Variants in GRIA4 observed in about 807,000 individuals in gnomAD.
GRIA4 encodes the protein glutamate receptor 4.
GRIA4 carries 34 observed loss-of-function variants against 104.0 expected under a neutral mutation model. That is an observed-to-expected ratio of 0.33 (90% CI 0.25 to 0.44). The LOEUF is 0.44. GRIA4 is among the 20% of genes least tolerant of loss of function. GRIA4 has a pLI of 1.00. For synonymous variants in GRIA4, 386 were observed against 381.9 expected, an observed-to-expected ratio of 1.01 and a Z score of -0.13; for missense variants, 750 against 1,096.5, an observed-to-expected ratio of 0.68 and a Z score of 4.46.
At chr11:105,673,684 C>T (rs1462092973) in intron 3 of GRIA4, among the ~76,000 whole-genome samples, 1 of 151,938 alleles carries the variant, frequency 6.6e-6, no homozygotes, top group Non-Finnish European at 1.5e-5. Context: ...CATTTTTTCC[C>T]ACATTCATCT....
chr11:105,690,279 A>G (rs1361360646), intron 3 of GRIA4, among the ~76,000 whole-genome samples: 3 of 152,212 alleles, frequency 2.0e-5, no homozygotes, highest in Admixed American at 6.5e-5. Flanking sequence ...CCTTTCCCTT[A>G]TGTTTAATAA....
chr11:105,888,156 G>C (rs892715063), intron 6 of GRIA4, among the ~76,000 whole-genome samples: 1 of 151,942 alleles, frequency 6.6e-6, no homozygotes, highest in Non-Finnish European at 1.5e-5. Flanking sequence ...GTAGTGTAGG[G>C]GGTAGATTAT....
intron 3 of GRIA4, among the ~76,000 whole-genome samples, chr11:105,737,610 G>T (rs1467394453): frequency 6.6e-6 from 1 of 152,140 alleles, no homozygotes; most frequent in African/African-American, 2.4e-5. Flanking sequence ...TTCTTAAGAA[G>T]AAACCAATTT....
chr11:105,691,195 G>T (rs1953071318), intron 3 of GRIA4, among the ~76,000 whole-genome samples: 1 of 152,120 alleles, frequency 6.6e-6, no homozygotes, highest in Non-Finnish European at 1.5e-5. Context: ...TGAAGCAAGT[G>T]CAGAAAGCCA....
chr11:105,826,158 G>T (rs2135918095), intron 4 of GRIA4, among the ~76,000 whole-genome samples: 1 of 152,152 alleles, frequency 6.6e-6, no homozygotes, highest in South Asian at 2.1e-4. Context: ...TTTCCTTAAA[G>T]CAGCTGAAAT....
chr11:105,757,448 A>G (rs536663715), intron 4 of GRIA4, among the ~76,000 whole-genome samples: 5 of 152,184 alleles, frequency 3.3e-5, no homozygotes, highest in Admixed American at 2.6e-4. Context: ...AAACAAGGGT[A>G]GTCAAAGGAA....
At chr11:105,717,009 AGTGTTACAT>A (rs1954114606) in intron 3 of GRIA4, among the ~76,000 whole-genome samples, 1 of 152,170 alleles carries the variant, frequency 6.6e-6, no homozygotes, top group South Asian at 2.1e-4. Context: ...CTTATTATTC[AGTGTTACAT>A]GGAGGTTTAT....
chr11:105,813,729 G>C (rs1943265722), intron 4 of GRIA4, among the ~76,000 whole-genome samples: 1 of 152,156 alleles, frequency 6.6e-6, no homozygotes, highest in African/African-American at 2.4e-5. Flanking sequence ...GATTCCAGTA[G>C]TGTTCTTCTC....
intron 14 of GRIA4, among the ~76,000 whole-genome samples, chr11:105,954,445 T>C (rs1234686214): frequency 6.6e-6 from 1 of 152,136 alleles, no homozygotes; most frequent in Non-Finnish European, 1.5e-5. Context: ...TTTGGGTGTG[T>C]GGGGGCATAA....
intron 16 of GRIA4, 37 bp from the exon 17 acceptor site, chr11:105,979,538 C>T: frequency 6.3e-7 from 1 of 1,591,552 alleles, no homozygotes; most frequent in Non-Finnish European, 8.6e-7. Context: ...TATGGTAACA[C>T]TCCGCGTTCT....
chr11:105,872,519 A>T (rs1387791564), intron 5 of GRIA4, among the ~76,000 whole-genome samples: 1 of 152,114 alleles, frequency 6.6e-6, no homozygotes, highest in Non-Finnish European at 1.5e-5. Flanking sequence ...ACAGTTGAAC[A>T]ATTTCATCTT....
At chr11:105,713,077 T>TA (rs1953968896) in intron 3 of GRIA4, among the ~76,000 whole-genome samples, 1 of 151,998 alleles carries the variant, frequency 6.6e-6, no homozygotes, top group Non-Finnish European at 1.5e-5. Context: ...CAGTATAATA[T>TA]AAAAAATAAT....
chr11:105,783,806 C>CTTATCAG (rs1941839888), intron 4 of GRIA4, among the ~76,000 whole-genome samples: 1 of 146,028 alleles, frequency 6.8e-6, no homozygotes, highest in Non-Finnish European at 1.5e-5. Context: ...GAGTAAAAAT[C>CTTATCAG]TTATCAGTTT....
intron 10 of GRIA4, among the ~76,000 whole-genome samples, chr11:105,917,815 G>GGTGTGTGT (rs147308478): frequency 0.024 from 3,456 of 142,722 alleles, 56 homozygotes; most frequent in East Asian, 0.038. Flanking sequence ...TTGGTTTAAG[G>GGTGTGTGT]GTGTGTGTGT....
intron 4 of GRIA4, among the ~76,000 whole-genome samples, chr11:105,794,469 G>GTATA (rs1200611859): frequency 0.054 from 2,163 of 40,290 alleles, 283 homozygotes; most frequent in Non-Finnish European, 0.066. Flanking sequence ...GTGTGTATAT[G>GTATA]TATGTATATA....
chr11:105,847,116 C>T (rs961941596), intron 4 of GRIA4, among the ~76,000 whole-genome samples: 18 of 152,014 alleles, frequency 1.2e-4, no homozygotes, highest in Non-Finnish European at 1.6e-4. Flanking sequence ...CACCGGGGAC[C>T]GGTTTCCTGG....
chr11:105,739,210 T>A (rs970104914), intron 3 of GRIA4, among the ~76,000 whole-genome samples: 3 of 152,176 alleles, frequency 2.0e-5, no homozygotes, highest in Admixed American at 6.5e-5. Flanking sequence ...TTTGTAGGCC[T>A]TGGAAGCAAA....
intron 4 of GRIA4, chr11:105,798,007 AG>A (rs1207389396): frequency 5.8e-6 from 2 of 343,560 alleles, no homozygotes; most frequent in Non-Finnish European, 1.2e-5. Context: ...ACTATGTGCC[AG>A]GAACTATCCT....
At chr11:105,935,760 G>A (rs1948016088) in intron 14 of GRIA4, among the ~76,000 whole-genome samples, 1 of 152,104 alleles carries the variant, frequency 6.6e-6, no homozygotes, top group Admixed American at 6.6e-5. Flanking sequence ...TTGGCCTTCA[G>A]TGACGGGTTT....
Sources: gnomAD v4.1 joint callset for allele counts (sites outside exome capture counted in the v4.1 genomes callset) on GRCh38, gnomAD v4.1.1 for gene constraint, MANE v1.5 for transcripts, NCBI Gene and HGNC (gene_info 2026-07-23, HGNC 2026-07-21) for gene names.